Variants in LRSAM1 observed in about 807,000 individuals in gnomAD.
LRSAM1 encodes the protein leucine rich repeat and sterile alpha motif containing 1.
Under a neutral mutation model 118.1 loss-of-function variants are expected in LRSAM1, and 96 were observed. The observed-to-expected ratio is 0.81, with a 90% CI of 0.69 to 0.96. LRSAM1 has a LOEUF of 0.96. Ranked by LOEUF, LRSAM1 falls within the 40% of genes least tolerant of loss-of-function variation. The probability of loss-of-function intolerance (pLI) is 0.00; values close to 1 mark genes in which losing one functional copy is unlikely to be tolerated. For missense variants in LRSAM1, 804 were observed against 915.5 expected (o/e 0.88, Z 1.57); for synonymous variants, 322 against 364.2 (o/e 0.88, Z 1.32).
chr9:127,481,666 A>AT (rs1835544482), intron 15 of LRSAM1, among the ~76,000 whole-genome samples: 1 of 152,232 alleles, frequency 6.6e-6, no homozygotes, highest in Non-Finnish European at 1.5e-5. Flanking sequence ...ACAAAGAATC[A>AT]TTGTCTTCAA....
In LRSAM1 at chr9:127,485,763, G is replaced by A; in HGVS notation, c.1187G>A (p.Ser396Asn). The A allele has an allele frequency of 3.7e-6, 6 of 1,614,134 alleles. No homozygotes were observed. The South Asian group carries it at 6.6e-5, about 18-fold the overall frequency. ...ASAMQQMLTE[S>N]CKNRLIQMAY... ...GCCATGCAGCAGATGCTGACTGAGA[G>A]CTGTAAGAACCGGCTCATCCAGATG... The change falls in exon 17 of 26, where the codon AGC becomes AAC. Residue 396 changes from serine (S) to asparagine (N), a missense_variant. Physicochemically the swap from Ser to Asn is conservative, Grantham distance 46. Coordinates refer to ENST00000300417, the MANE Select transcript of LRSAM1 (RefSeq NM_001005373.4).
At chr9:127,462,770 C>T (rs1035247068) in intron 9 of LRSAM1, among the ~76,000 whole-genome samples, 9 of 151,636 alleles carry the variant, frequency 5.9e-5, no homozygotes, top group South Asian at 4.2e-4. Context: ...AGCAAACCAC[C>T]GTGGCACATG....
intron 21 of LRSAM1, 29 bp from the exon 22 acceptor site, chr9:127,495,291 A>T: frequency 6.2e-7 from 1 of 1,601,496 alleles, no homozygotes; most frequent in Non-Finnish European, 8.6e-7. Flanking sequence ...CCATTTTGTG[A>T]CTAACATTGC....
chr9:127,495,181 G>A (rs1836081364), intron 21 of LRSAM1, 139 bp from the exon 22 acceptor site: 8 of 685,568 alleles, frequency 1.2e-5, no homozygotes, highest in African/African-American at 1.8e-5. Flanking sequence ...TTGAACTCCC[G>A]ACCTCAGGTG....
At chr9:127,472,154 G>T (rs1041073666) in intron 10 of LRSAM1, among the ~76,000 whole-genome samples, 1 of 151,298 alleles carries the variant, frequency 6.6e-6, no homozygotes, top group Non-Finnish European at 1.5e-5. Flanking sequence ...TAGAGACGGG[G>T]TTTCACCATG....
rs1252987666 is a variant in LRSAM1 at position 127,473,903 on chromosome 9, G to T, written c.722G>T (p.Arg241Ile). The change falls in exon 11 of 26, where the codon AGA becomes ATA. Residue 241 changes from arginine (R) to isoleucine (I), a missense_variant. By Grantham distance (97) the Arg-to-Ile change is moderately conservative (BLOSUM62 -3). Transcript: ENST00000300417. ...GACAGCCCTGATGGGCCCACGGACA[G>T]ATTCTCAAGGGAGGAGTTAGAGTGG... ...SRDSPDGPTD[R>I]FSREELEWQN... 6.2e-7 allele frequency: 1 copy of T among 1,614,274 alleles called. No individual in the cohort carries two copies.
intron 24 of LRSAM1, among the ~76,000 whole-genome samples, chr9:127,498,549 A>C (rs1352937482): frequency 6.6e-6 from 1 of 152,180 alleles, no homozygotes; most frequent in Non-Finnish European, 1.5e-5. Flanking sequence ...TGGAGCAAAC[A>C]AGCAGGTTCT....
Position 127,497,265 on chromosome 9 carries a change from G to A in LRSAM1, c.1843G>A (p.Glu615Lys). The A allele has an allele frequency of 6.2e-7, 1 of 1,613,268 alleles. No individual in the cohort carries two copies. Among genetic ancestry groups the A allele is most frequent in the South Asian group, 1.1e-5 (1 of 91,086 alleles). ...TGAACTGTCACAGGTGGGCGTCTCA[G>A]AAGCTGGCCTGCAGCACGAGATCCT... is the stretch of plus-strand genomic sequence containing the variant. The part of the protein sequence containing the change: ...PGDLAKVGVS[E>K]AGLQHEILRR... Residue 615 changes from glutamate to lysine, a missense_variant, in exon 24 of 26, where the codon GAA becomes AAA. By Grantham distance (56) the Glu-to-Lys change is moderately conservative. Transcript: ENST00000300417.
chr9:127,451,753 A>C (rs1834329394), intron 1 of LRSAM1, 84 bp downstream of exon 1: 2 of 195,978 alleles, frequency 1.0e-5, no homozygotes, highest in Non-Finnish European at 2.1e-5. Context: ...CCGAGACCCC[A>C]GTACCGCGGC....
intron 6 of LRSAM1, 95 bp from the exon 7 acceptor site, chr9:127,458,908 G>C: frequency 1.7e-6 from 2 of 1,142,914 alleles, no homozygotes; most frequent in South Asian, 1.2e-5. Context: ...CTGCACTGGG[G>C]GTGTGAGGTG....
chr9:127,493,510 GA>G (rs1413101108), intron 21 of LRSAM1, among the ~76,000 whole-genome samples: 5 of 152,128 alleles, frequency 3.3e-5, no homozygotes, highest in African/African-American at 4.8e-5. Flanking sequence ...ACTATTCCTT[GA>G]CGTCCTTTCT....
At chr9:127,489,891 C>A (rs1835870769) in intron 19 of LRSAM1, among the ~76,000 whole-genome samples, 1 of 152,240 alleles carries the variant, frequency 6.6e-6, no homozygotes, top group Non-Finnish European at 1.5e-5. Flanking sequence ...CCCCAGCGCT[C>A]CTACAGCTCA....
At chr9:127,468,313 G>A (rs1243081100) in intron 10 of LRSAM1, among the ~76,000 whole-genome samples, 2 of 152,008 alleles carry the variant, frequency 1.3e-5, no homozygotes, top group African/African-American at 4.8e-5. Flanking sequence ...GGAGGAGAAG[G>A]GATTGGAGGA....
At position 127,465,107 on chromosome 9, in the gene LRSAM1, G is replaced by C. The variant is rs546970371; in HGVS notation, c.529-2633G>C. ...ACGCCACCCACCAAACAGCCCACCA[G>C]GTCGGTAACACTGCCTGTTTGGCTA... On this transcript the variant is annotated intron_variant, in intron 9 of 25. Coordinates refer to ENST00000300417, the MANE Select transcript of LRSAM1 (RefSeq NM_001005373.4). The surrounding 1 kb of genome is among the most constrained non-coding windows in gnomAD (Gnocchi z 4.1). Among the ~76,000 whole-genome samples, 1 of 152,304 alleles carries C rather than the reference G, an allele frequency of 6.6e-6. No individual in the cohort carries two copies. Among genetic ancestry groups the C allele is most frequent in the South Asian group, 2.1e-4 (1 of 4,824 alleles).
intron 25 of LRSAM1, among the ~76,000 whole-genome samples, chr9:127,501,888 G>A (rs547084915): frequency 6.6e-6 from 1 of 152,320 alleles, no homozygotes; most frequent in African/African-American, 2.4e-5. Flanking sequence ...AGGGTCTCCC[G>A]TTGACCTGAC....
At chr9:127,470,353 C>T (rs1414603979) in intron 10 of LRSAM1, among the ~76,000 whole-genome samples, 1 of 151,944 alleles carries the variant, frequency 6.6e-6, no homozygotes, top group Non-Finnish European at 1.5e-5. Flanking sequence ...AGAGGGAAGC[C>T]CCTTATAAAA....
Position 127,457,402 on chromosome 9 carries a change from C to A in LRSAM1, c.252+9C>A. The A allele has an allele frequency of 6.2e-7, 1 of 1,613,808 alleles. No individual in the cohort carries two copies. The highest frequency in any genetic ancestry group is 8.5e-7 in the Non-Finnish European group (1 of 1,179,754). On this transcript the variant is annotated intron_variant, in intron 6 of 25. Transcript: ENST00000300417. ...GTCTGGCAACCATCAAGGTACTGGG[C>A]CCTCCTCCCAGGCAGCTGGGGCTCT...
chr9:127,469,805 T>C (rs1274059877), intron 10 of LRSAM1, among the ~76,000 whole-genome samples: 1 of 151,696 alleles, frequency 6.6e-6, no homozygotes, highest in Non-Finnish European at 1.5e-5. Flanking sequence ...CTACTAAAAA[T>C]ACAAAAAAAA....
intron 6 of LRSAM1, among the ~76,000 whole-genome samples, chr9:127,458,011 C>T (rs1291918309): frequency 6.6e-6 from 1 of 150,480 alleles, no homozygotes; most frequent in African/African-American, 2.5e-5. Flanking sequence ...TTGGTTGAAT[C>T]CATAGATATG....
Sources: gnomAD v4.1 joint callset for allele counts (sites outside exome capture counted in the v4.1 genomes callset) on GRCh38, gnomAD v4.1.1 for gene constraint, Gnocchi (gnomAD v3.1) non-coding constraint, MANE v1.5 for transcripts, NCBI Gene and HGNC (gene_info 2026-07-23, HGNC 2026-07-21) for gene names.